TAFA4: variants seen among roughly 807,000 people sequenced by gnomAD.
The protein encoded by TAFA4 is chemokine-like protein TAFA-4.
Under a neutral mutation model 21.1 loss-of-function variants are expected in TAFA4, and 20 were observed. The observed-to-expected ratio is 0.95, with a 90% CI of 0.67 to 1.38. TAFA4 has a LOEUF of 1.38. Ranked by LOEUF, TAFA4 falls within the 40% of genes most tolerant of loss-of-function variation. The probability of loss-of-function intolerance (pLI) is 0.00; values close to 1 mark genes in which losing one functional copy is unlikely to be tolerated. For synonymous variants in TAFA4, 71 were observed against 67.4 expected, an observed-to-expected ratio of 1.05 and a Z score of -0.26; for missense variants, 211 against 180.9, an observed-to-expected ratio of 1.17 and a Z score of -0.95.
chr3:68,750,736 G>A, intron 4 of TAFA4, among the ~76,000 whole-genome samples: 1 of 152,150 alleles, frequency 6.6e-6, no homozygotes, highest in East Asian at 1.9e-4. Flanking sequence ...AAAGTGCTTT[G>A]AATATTGTAC....
intron 3 of TAFA4, among the ~76,000 whole-genome samples, chr3:68,800,439 T>C (rs1170019781): frequency 6.6e-6 from 1 of 152,174 alleles, no homozygotes; most frequent in Non-Finnish European, 1.5e-5. Flanking sequence ...ACAACAACAA[T>C]CTGAGTATAA....
chr3:68,735,680 G>C (rs1243143083), intron 5 of TAFA4, among the ~76,000 whole-genome samples: 1 of 151,988 alleles, frequency 6.6e-6, no homozygotes, highest in African/African-American at 2.4e-5. Context: ...CAAAACTGTT[G>C]CTTCCATTCT....
chr3:68,893,451 G>A (rs1315762695), intron 1 of TAFA4, among the ~76,000 whole-genome samples: 1 of 152,164 alleles, frequency 6.6e-6, no homozygotes, highest in African/African-American at 2.4e-5. Context: ...AGTTAAATAT[G>A]TTTTGTTAAT....
At chr3:68,847,972 C>G (rs890665766) in intron 3 of TAFA4, among the ~76,000 whole-genome samples, 25 of 152,192 alleles carry the variant, frequency 1.6e-4, no homozygotes, top group African/African-American at 6.0e-4. Flanking sequence ...AAGAACAGCT[C>G]TCAAAAAGAT....
chr3:68,738,889 A>G (rs892541892), intron 5 of TAFA4, among the ~76,000 whole-genome samples, 186 bp downstream of exon 5: 2 of 152,228 alleles, frequency 1.3e-5, no homozygotes, highest in African/African-American at 4.8e-5. Context: ...ACTGTTCTAT[A>G]AAATCTGACA....
intron 3 of TAFA4, among the ~76,000 whole-genome samples, chr3:68,843,777 T>G (rs112655818): frequency 1.3e-5 from 2 of 152,254 alleles, no homozygotes; most frequent in Admixed American, 6.5e-5. Context: ...GAGATAATCA[T>G]GTGGTTTTTG....
intron 2 of TAFA4, among the ~76,000 whole-genome samples, chr3:68,883,510 A>G (rs1314703406): frequency 6.6e-6 from 1 of 152,240 alleles, no homozygotes; most frequent in Non-Finnish European, 1.5e-5. Flanking sequence ...ATTTAATCAA[A>G]GATGTGAAAC....
At chr3:68,919,665 G>C (rs547266048) in intron 1 of TAFA4, among the ~76,000 whole-genome samples, 2 of 152,268 alleles carry the variant, frequency 1.3e-5, no homozygotes, top group South Asian at 2.1e-4. Context: ...ATGTTGCTTA[G>C]TGGCTCTCAC....
chr3:68,829,873 T>C (rs566741700), intron 3 of TAFA4, among the ~76,000 whole-genome samples: 543 of 152,314 alleles, frequency 3.6e-3, no homozygotes, highest in African/African-American at 0.012. Context: ...GAGCCTGTTG[T>C]TGGTCTATTC....
Position 68,789,904 on chromosome 3 carries a change from C to T in TAFA4, c.131-36886G>A, listed in dbSNP as rs182275288. Among the ~76,000 whole-genome samples, 281 of 152,300 alleles carry T rather than the reference C, an allele frequency of 1.8e-3. 1 individual carries two copies. Among genetic ancestry groups the T allele is most frequent in the African/African-American group, 6.5e-3 (269 of 41,572 alleles). ...GAGGATATAATTCACTGGCAATAGA[C>T]TTGCCCTACAAGAAATGCTAAAGGA... On this transcript the variant is annotated intron_variant, in intron 3 of 5. Transcript: ENST00000295569.
chr3:68,818,013 A>G (rs964114999), intron 3 of TAFA4, among the ~76,000 whole-genome samples: 2 of 152,160 alleles, frequency 1.3e-5, no homozygotes, highest in African/African-American at 2.4e-5. Context: ...TCTAGCTAGG[A>G]AAGTCCTAGA....
rs559356474 is a variant in TAFA4, at chr3:68,782,365, T to C, written c.131-29347A>G. On this transcript the variant is annotated intron_variant, in intron 3 of 5. Transcript: ENST00000295569. ...AAGTGTTGGCAAAGATATGGAGAAA[T>C]TGGAAACTTCATACATTTCTGATGG... 2.6e-5 allele frequency among the ~76,000 whole-genome samples: 4 copies of C among 152,234 alleles called. No homozygotes were observed. In the East Asian group the frequency reaches 5.8e-4, roughly 22 times the overall value.
Position 68,793,487 on chromosome 3 carries a change from G to A in TAFA4, c.131-40469C>T, listed in dbSNP as rs989901243. Reference sequence around the variant, plus strand: ...AGCCCAATTTGGAAATCCAATTGCCGCTTATGCAATAATTAGTCAGAAAGC... The same window carrying A: ...AGCCCAATTTGGAAATCCAATTGCCACTTATGCAATAATTAGTCAGAAAGC... On this transcript the variant is annotated intron_variant, in intron 3 of 5. Transcript: ENST00000295569. Among the ~76,000 whole-genome samples, 5 of 152,250 alleles carry A rather than the reference G, an allele frequency of 3.3e-5. No individual in the cohort carries two copies. The East Asian group carries it at 7.7e-4, about 24-fold the overall frequency.
At chr3:68,778,933 G>T (rs147987980) in intron 3 of TAFA4, among the ~76,000 whole-genome samples, 1 of 152,330 alleles carries the variant, frequency 6.6e-6, no homozygotes, top group African/African-American at 2.4e-5. Flanking sequence ...GGGCTCAGAA[G>T]AAGACAGGAA....
At chr3:68,893,636 GCTA>G (rs1450175704) in intron 1 of TAFA4, among the ~76,000 whole-genome samples, 4 of 152,158 alleles carry the variant, frequency 2.6e-5, no homozygotes, top group Admixed American at 2.6e-4. Context: ...GTGTGATTTA[GCTA>G]CTGTTAACAA....
intron 3 of TAFA4, among the ~76,000 whole-genome samples, chr3:68,801,126 T>G (rs1703570287): frequency 6.6e-6 from 1 of 152,202 alleles, no homozygotes; most frequent in Non-Finnish European, 1.5e-5. Flanking sequence ...CCCAAGAAAG[T>G]GTACCCACCA....
intron 4 of TAFA4, among the ~76,000 whole-genome samples, chr3:68,744,853 G>A (rs568329238): frequency 6.6e-6 from 1 of 152,312 alleles, no homozygotes; most frequent in Admixed American, 6.5e-5. Context: ...AAAATATGGA[G>A]TGATGCTTTC....
At chr3:68,802,431 G>A (rs540494887) in intron 3 of TAFA4, among the ~76,000 whole-genome samples, 3 of 150,982 alleles carry the variant, frequency 2.0e-5, no homozygotes, top group East Asian at 4.1e-4. Flanking sequence ...AGGGGAAGGG[G>A]GGTTGGCAGG....
At chr3:68,928,005 C>T (rs970589133) in intron 1 of TAFA4, among the ~76,000 whole-genome samples, 1 of 152,088 alleles carries the variant, frequency 6.6e-6, no homozygotes, top group African/African-American at 2.4e-5. Context: ...AACAAATTAC[C>T]CATGTCTTTA....
Sources: gnomAD v4.1 joint callset for allele counts (sites outside exome capture counted in the v4.1 genomes callset) on GRCh38, gnomAD v4.1.1 for gene constraint, MANE v1.5 for transcripts, NCBI Gene and HGNC (gene_info 2026-07-23, HGNC 2026-07-21) for gene names.